PPP2R3A: variants seen among roughly 807,000 people sequenced by gnomAD.
The protein encoded by PPP2R3A is protein phosphatase 2 regulatory subunit B''alpha, also known as serine/threonine-protein phosphatase 2A regulatory subunit B'' subunit alpha.
In PPP2R3A, 80 loss-of-function variants were observed where a neutral mutation model predicts 106.9. The observed-to-expected ratio is 0.75, with a 90% CI of 0.62 to 0.90. The LOEUF (loss-of-function observed/expected upper bound fraction) is 0.90, where lower values mean the gene tolerates loss of function less well. Among genes scored for constraint, PPP2R3A ranks in the 40% least tolerant of loss-of-function variants. The pLI, the probability that PPP2R3A is intolerant of heterozygous loss-of-function variation, is 0.00. For synonymous variants in PPP2R3A, 483 were observed against 468.3 expected, an observed-to-expected ratio of 1.03 and a Z score of -0.41; for missense variants, 1,386 against 1,350.4, an observed-to-expected ratio of 1.03 and a Z score of -0.41.
At chr3:135,983,901 T>C (rs1937571386) in intron 1 of PPP2R3A, among the ~76,000 whole-genome samples, 1 of 152,230 alleles carries the variant, frequency 6.6e-6, no homozygotes, top group Non-Finnish European at 1.5e-5. Context: ...ACATTATTCA[T>C]TGGTTTTTAA....
rs375655120 is a variant in PPP2R3A, at chr3:136,108,212, G to GACACACACACACAC, written c.3329+1892_3329+1905dup. Among the ~76,000 whole-genome samples, 206 of 151,486 alleles carry GACACACACACACAC rather than the reference G, an allele frequency of 1.4e-3. 1 individual carries two copies. Among genetic ancestry groups the GACACACACACACAC allele is most frequent in the African/African-American group, 4.6e-3 (191 of 41,256 alleles). ...TGGCCTGCAGAGCTAGCTAGACCCT[G>GACACACACACACAC]ACACACACACACACAGCAAGTGTGG... On this transcript the variant is annotated intron_variant, in intron 13 of 13. Coordinates refer to ENST00000264977, the MANE Select transcript of PPP2R3A (RefSeq NM_002718.5).
At chr3:136,030,299 T>G (rs1215839775) in intron 3 of PPP2R3A, among the ~76,000 whole-genome samples, 2 of 115,170 alleles carry the variant, frequency 1.7e-5, no homozygotes, top group African/African-American at 9.4e-5. Context: ...CCTGAAAAGA[T>G]ATCTTGAGTG....
intron 13 of PPP2R3A, among the ~76,000 whole-genome samples, chr3:136,118,570 C>T (rs1044738703): frequency 5.9e-5 from 9 of 152,224 alleles, no homozygotes; most frequent in African/African-American, 2.2e-4. Context: ...ACAAGCATTC[C>T]TATACACCAA....
intron 10 of PPP2R3A, among the ~76,000 whole-genome samples, chr3:136,098,857 A>T (rs1937282361): frequency 1.3e-5 from 2 of 152,214 alleles, no homozygotes; most frequent in Non-Finnish European, 2.9e-5. Flanking sequence ...AGGAGAGTTT[A>T]TAGAAAGTTT....
intron 13 of PPP2R3A, among the ~76,000 whole-genome samples, chr3:136,109,544 CAGTAA>C (rs1253953323): frequency 6.6e-6 from 1 of 152,090 alleles, no homozygotes; most frequent in Non-Finnish European, 1.5e-5. Context: ...CTTGAAGACA[CAGTAA>C]AGTATTCCCT....
At chr3:136,120,385 C>T (rs1452797405) in intron 13 of PPP2R3A, among the ~76,000 whole-genome samples, 1 of 152,054 alleles carries the variant, frequency 6.6e-6, no homozygotes, top group Non-Finnish European at 1.5e-5. Context: ...GTCAGGAGCT[C>T]GAGACCAGCC....
chr3:136,129,638 A>G (rs1938324282), intron 13 of PPP2R3A, among the ~76,000 whole-genome samples: 1 of 152,230 alleles, frequency 6.6e-6, no homozygotes, highest in South Asian at 2.1e-4. Context: ...ATCAATAGAA[A>G]AAGAGGGAAT....
In PPP2R3A at chr3:136,066,676, G is replaced by A. The variant is rs1936270446; in HGVS notation, c.2470-3802G>A. 2.0e-5 allele frequency among the ~76,000 whole-genome samples: 3 copies of A among 151,904 alleles called. No homozygotes were observed. The South Asian group carries it at 6.2e-4, about 31-fold the overall frequency. ...CTCACTTGGCGAGAGCAGGAGCAAGGTGTGGGGGAGTTGCTGCACACTTTT... is the reference window on the plus strand; with the variant it reads ...CTCACTTGGCGAGAGCAGGAGCAAGATGTGGGGGAGTTGCTGCACACTTTT... On this transcript the variant is annotated intron_variant, in intron 5 of 13. Coordinates refer to ENST00000264977, the MANE Select transcript of PPP2R3A (RefSeq NM_002718.5).
At chr3:135,966,237 G>A (rs1937080698) in intron 1 of PPP2R3A, among the ~76,000 whole-genome samples, 1 of 152,214 alleles carries the variant, frequency 6.6e-6, no homozygotes, top group Non-Finnish European at 1.5e-5. Flanking sequence ...GGAAAGCCTG[G>A]CAGAGAAACA....
At chr3:136,097,504 T>G (rs968765111) in intron 10 of PPP2R3A, among the ~76,000 whole-genome samples, 9 of 152,236 alleles carry the variant, frequency 5.9e-5, no homozygotes, top group Admixed American at 3.3e-4. Flanking sequence ...ATTCTAGCTT[T>G]CTTTCTCTCT....
rs906037627 is a variant in PPP2R3A, at chr3:136,078,453, A to G, written c.2631A>G (p.Gln877=). ...STEIRKSNFL[Q]TLALLEEEED... is the part of the protein sequence containing the mutation. ...AGATAAGAAAAAGCAACTTTTTGCA[A>G]GTATGCCTTTCATTAGAATTCATGT... The change falls in exon 7 of 14, where the codon CAA becomes CAG. Residue 877 remains glutamine (Q), a splice_region_variant and synonymous_variant. Coordinates refer to ENST00000264977, the MANE Select transcript of PPP2R3A (RefSeq NM_002718.5). 4 of 1,570,898 alleles carry G rather than the reference A, an allele frequency of 2.5e-6. No individual in the cohort carries two copies. The highest frequency in any genetic ancestry group is 2.6e-6 in the Non-Finnish European group (3 of 1,143,260).
chr3:136,014,282 C>G (rs1046633409), intron 2 of PPP2R3A, among the ~76,000 whole-genome samples: 2 of 151,952 alleles, frequency 1.3e-5, no homozygotes, highest in African/African-American at 4.8e-5. Context: ...TTTGCTTAGT[C>G]TTGCTTTGGC....
intron 6 of PPP2R3A, 91 bp from the exon 7 acceptor site, chr3:136,078,276 T>TTG: frequency 1.2e-6 from 1 of 841,964 alleles, no homozygotes; most frequent in Non-Finnish European, 2.0e-6. Flanking sequence ...AAAAGTTAAA[T>TTG]TGGTCCCAAG....
chr3:136,031,468 C>T (rs945965021), intron 3 of PPP2R3A, among the ~76,000 whole-genome samples: 1 of 152,176 alleles, frequency 6.6e-6, no homozygotes, highest in Admixed American at 6.5e-5. Flanking sequence ...TGTTTACTTG[C>T]TGACTGTTCC....
chr3:136,062,214 A>G (rs1048646821), intron 5 of PPP2R3A, among the ~76,000 whole-genome samples: 4 of 152,206 alleles, frequency 2.6e-5, no homozygotes, highest in Admixed American at 2.6e-4. Context: ...GGTTACTTGC[A>G]TATATACTGC....
At chr3:136,140,442 TA>T (rs199699500) in intron 13 of PPP2R3A, among the ~76,000 whole-genome samples, 1,528 of 87,238 alleles carry the variant, frequency 0.018, 11 homozygotes, top group African/African-American at 0.051. Context: ...TGAGACTCTT[TA>T]AAAAAAAAAA....
At position 135,995,447 on chromosome 3, in the gene PPP2R3A, ATTTTTTTTTTTTTT is replaced by A. The variant is rs60359404; in HGVS notation, c.-440-5600_-440-5587del. ...AGTTCTATGAGACTTACGTTGACAG[ATTTTTTTTTTTTTT>A]TTTTTTTTTTTGAGATGAAGTCTGT... On this transcript the variant is annotated intron_variant, in intron 1 of 13. Transcript: ENST00000264977. 6.9e-5 allele frequency among the ~76,000 whole-genome samples: 6 copies of A among 87,326 alleles called. No individual in the cohort carries two copies. In the South Asian group the frequency reaches 2.2e-3, roughly 32 times the overall value. The allele number at this position is 87,326 out of a possible 152,430, so 57.3% of individuals were successfully genotyped here.
In PPP2R3A at chr3:136,038,097, C is replaced by T. The variant is rs1490200135; in HGVS notation, c.2263-2762C>T. Among the ~76,000 whole-genome samples the T allele has an allele frequency of 2.0e-5, 3 of 152,278 alleles. No homozygotes were observed. The East Asian group carries it at 5.8e-4, about 29-fold the overall frequency. ...CTTATTGATCTCCTGGCTCCTTTTACCTTAAATCTTTGATTTTTAAGCAGA... is the reference window on the plus strand; with the variant it reads ...CTTATTGATCTCCTGGCTCCTTTTATCTTAAATCTTTGATTTTTAAGCAGA... On this transcript the variant is annotated intron_variant, in intron 3 of 13. Coordinates refer to ENST00000264977, the MANE Select transcript of PPP2R3A (RefSeq NM_002718.5).
At chr3:136,074,927 A>G (rs1277778908) in intron 6 of PPP2R3A, among the ~76,000 whole-genome samples, 1 of 152,268 alleles carries the variant, frequency 6.6e-6, no homozygotes, top group Non-Finnish European at 1.5e-5. Flanking sequence ...CCATAAGGAA[A>G]TACTTTTCTG....
Sources: gnomAD v4.1 joint callset for allele counts (sites outside exome capture counted in the v4.1 genomes callset) on GRCh38, gnomAD v4.1.1 for gene constraint, MANE v1.5 for transcripts, NCBI Gene and HGNC (gene_info 2026-07-23, HGNC 2026-07-21) for gene names.